DTNA: variants seen among roughly 807,000 people sequenced by gnomAD.
The protein encoded by DTNA is dystrophin-related protein 3.
DTNA carries 43 observed loss-of-function variants against 100.7 expected under a neutral mutation model. The observed-to-expected ratio is 0.43, with a 90% CI of 0.33 to 0.55. The LOEUF is 0.55. DTNA is among the 20% of genes least tolerant of loss of function. The pLI, the probability that DTNA is intolerant of heterozygous loss-of-function variation, is 0.04. For missense variants in DTNA, 798 were observed against 953.9 expected (o/e 0.84, Z 2.15); for synonymous variants, 349 against 347.9 (o/e 1.00, Z -0.04).
chr18:34,651,828 C>T (rs139832888), intron 1 of DTNA, among the ~76,000 whole-genome samples: 1 of 152,134 alleles, frequency 6.6e-6, no homozygotes, highest in East Asian at 1.9e-4. Flanking sequence ...CTTTGGGAGG[C>T]CGAGGTGGGA....
intron 1 of DTNA, among the ~76,000 whole-genome samples, chr18:34,662,329 C>T (rs1037726773): frequency 6.6e-6 from 1 of 152,084 alleles, no homozygotes; most frequent in African/African-American, 2.4e-5. Flanking sequence ...TCATTTACAT[C>T]AGCTAGATGT....
intron 17 of DTNA, chr18:34,866,923 C>A (rs537976256): frequency 8.8e-7 from 1 of 1,140,586 alleles, no homozygotes; most frequent in Non-Finnish European, 1.1e-6. Context: ...ATAGCCTAAA[C>A]TGGAGCTGTC....
intron 1 of DTNA, among the ~76,000 whole-genome samples, chr18:34,590,048 T>A (rs1196470800): frequency 6.6e-6 from 1 of 152,218 alleles, no homozygotes; most frequent in East Asian, 1.9e-4. Flanking sequence ...TTATTGTGAA[T>A]AATGCTGCAA....
At chr18:34,827,495 A>G in intron 9 of DTNA, 98 bp from the exon 10 acceptor site, 1 of 1,094,536 alleles carries the variant, frequency 9.1e-7, no homozygotes, top group East Asian at 2.4e-5. Flanking sequence ...GGTAGAACCC[A>G]GATCTTCCCA....
chr18:34,571,743 G>C (rs372049376), intron 1 of DTNA, among the ~76,000 whole-genome samples: 12 of 152,206 alleles, frequency 7.9e-5, no homozygotes, highest in African/African-American at 2.9e-4. Context: ...CTCTGCAAAG[G>C]GTCCTGCTCA....
At chr18:34,541,591 G>A (rs2044251615) in intron 1 of DTNA, among the ~76,000 whole-genome samples, 1 of 152,090 alleles carries the variant, frequency 6.6e-6, no homozygotes, top group South Asian at 2.1e-4. Flanking sequence ...CCAGCCATGT[G>A]TAACTGTGAG....
At chr18:34,865,350 GC>G (rs1466090846) in intron 17 of DTNA, among the ~76,000 whole-genome samples, 1 of 139,306 alleles carries the variant, frequency 7.2e-6, no homozygotes, top group Non-Finnish European at 1.5e-5. Context: ...TTTCTTGATT[GC>G]CCCCTCTTTC....
chr18:34,505,359 G>A (rs1231954337), intron 1 of DTNA, among the ~76,000 whole-genome samples: 1 of 152,146 alleles, frequency 6.6e-6, no homozygotes, highest in Non-Finnish European at 1.5e-5. Context: ...GATAGTGCAG[G>A]CCATTCTCCT....
At chr18:34,740,485 T>G (rs951462552) in intron 1 of DTNA, among the ~76,000 whole-genome samples, 1 of 152,144 alleles carries the variant, frequency 6.6e-6, no homozygotes, top group Non-Finnish European at 1.5e-5. Flanking sequence ...AACATGTGTT[T>G]TCAGTATTTA....
intron 1 of DTNA, among the ~76,000 whole-genome samples, chr18:34,748,053 T>C (rs535554484): frequency 6.6e-6 from 1 of 152,206 alleles, no homozygotes; most frequent in Non-Finnish European, 1.5e-5. Context: ...ATTTCCCTGA[T>C]GATTAGTGAT....
At chr18:34,516,262 A>C (rs1351283882) in intron 1 of DTNA, among the ~76,000 whole-genome samples, 5 of 152,142 alleles carry the variant, frequency 3.3e-5, no homozygotes, top group Non-Finnish European at 4.4e-5. Context: ...TGATTTTAAA[A>C]GGGGAGGAAT....
chr18:34,680,283 A>G (rs897615120), intron 1 of DTNA, among the ~76,000 whole-genome samples: 1 of 152,204 alleles, frequency 6.6e-6, no homozygotes, highest in African/African-American at 2.4e-5. Context: ...CCATGTCAGA[A>G]AAGAGAAGAG....
chr18:34,557,685 G>A (rs557976079), intron 1 of DTNA, among the ~76,000 whole-genome samples: 13 of 151,628 alleles, frequency 8.6e-5, no homozygotes, highest in African/African-American at 3.1e-4. Flanking sequence ...CTGCTCGGGG[G>A]TCAGGGGTCA....
intron 1 of DTNA, among the ~76,000 whole-genome samples, chr18:34,748,020 G>A (rs2091871962): frequency 6.6e-6 from 1 of 152,044 alleles, no homozygotes; most frequent in African/African-American, 2.4e-5. Context: ...GAAGTAAGGT[G>A]GTATCTCATG....
At chr18:34,738,373 G>T (rs1316833210) in intron 1 of DTNA, among the ~76,000 whole-genome samples, 1 of 152,148 alleles carries the variant, frequency 6.6e-6, no homozygotes, top group Non-Finnish European at 1.5e-5. Flanking sequence ...CTAAACAGAG[G>T]AAGGTACACA....
chr18:34,799,094 G>C (rs1276095288), intron 4 of DTNA, among the ~76,000 whole-genome samples: 1 of 152,200 alleles, frequency 6.6e-6, no homozygotes, highest in Non-Finnish European at 1.5e-5. Flanking sequence ...TTGAAAGAGT[G>C]TATGTGGAAG....
intron 1 of DTNA, among the ~76,000 whole-genome samples, chr18:34,711,752 T>C (rs746719252): frequency 3.3e-5 from 5 of 152,198 alleles, no homozygotes; most frequent in Admixed American, 1.3e-4. Flanking sequence ...AGTTTCCATA[T>C]GTCCAAGCCA....
At chr18:34,723,696 C>A (rs965280607) in intron 1 of DTNA, among the ~76,000 whole-genome samples, 3 of 151,968 alleles carry the variant, frequency 2.0e-5, no homozygotes, top group Non-Finnish European at 4.4e-5. Context: ...GTCAGGAGTT[C>A]GAGACCAGCC....
At chr18:34,533,409 A>G (rs2043354385) in intron 1 of DTNA, among the ~76,000 whole-genome samples, 1 of 151,722 alleles carries the variant, frequency 6.6e-6, no homozygotes, top group Non-Finnish European at 1.5e-5. Flanking sequence ...GGACATGAAG[A>G]TGCTTGCCAA....
Sources: gnomAD v4.1 joint callset for allele counts (sites outside exome capture counted in the v4.1 genomes callset) on GRCh38, gnomAD v4.1.1 for gene constraint, MANE v1.5 for transcripts, NCBI Gene and HGNC (gene_info 2026-07-23, HGNC 2026-07-21) for gene names.